The following RCAN2 variants were observed in gnomAD, a reference collection of about 807,000 sequenced individuals.
RCAN2 encodes calcipressin-2.
In RCAN2, 9 loss-of-function variants were observed where a neutral mutation model predicts 23.6. The observed-to-expected ratio is 0.38, with a 90% CI of 0.23 to 0.67. The LOEUF (loss-of-function observed/expected upper bound fraction) is 0.67, where lower values mean the gene tolerates loss of function less well. RCAN2 is among the 30% of genes least tolerant of loss of function. The pLI is 0.51. For missense variants in RCAN2, 273 were observed against 302.3 expected (o/e 0.90, Z 0.72); for synonymous variants, 109 against 115.7 (o/e 0.94, Z 0.37).
At chr6:46,479,583 C>CTTTT (rs57590590) in intron 1 of RCAN2, among the ~76,000 whole-genome samples, 13 of 89,244 alleles carry the variant, frequency 1.5e-4, no homozygotes, top group East Asian at 3.4e-4. Flanking sequence ...TCTGTCTCAC[C>CTTTT]TTTTTTTTTT....
chr6:46,298,487 G>A (rs921846932), intron 2 of RCAN2, among the ~76,000 whole-genome samples: 3 of 152,050 alleles, frequency 2.0e-5, no homozygotes, highest in Non-Finnish European at 4.4e-5. Flanking sequence ...TTCTTACAAT[G>A]CGATGTTACC....
At chr6:46,299,596 C>G (rs527488847) in intron 2 of RCAN2, among the ~76,000 whole-genome samples, 57 of 152,046 alleles carry the variant, frequency 3.7e-4, no homozygotes, top group African/African-American at 1.2e-3. Flanking sequence ...CTCTGGCCCC[C>G]CTTTTATAGA....
At chr6:46,378,694 G>C (rs1447257421) in intron 2 of RCAN2, among the ~76,000 whole-genome samples, 1 of 152,192 alleles carries the variant, frequency 6.6e-6, no homozygotes, top group African/African-American at 2.4e-5. Context: ...TGCTCCTAGG[G>C]TTATGGAGTA....
chr6:46,457,757 C>G (rs923393714), intron 1 of RCAN2, among the ~76,000 whole-genome samples: 6 of 152,166 alleles, frequency 3.9e-5, no homozygotes, highest in Non-Finnish European at 4.4e-5. Context: ...AAAATCAGTG[C>G]TATCTTGATC....
chr6:46,403,686 C>G (rs1766322290), intron 2 of RCAN2, among the ~76,000 whole-genome samples: 1 of 152,028 alleles, frequency 6.6e-6, no homozygotes, highest in African/African-American at 2.4e-5. Flanking sequence ...AATCTACCAA[C>G]AAAGGACAGA....
At chr6:46,404,949 C>T (rs1037871160) in intron 2 of RCAN2, among the ~76,000 whole-genome samples, 5 of 152,152 alleles carry the variant, frequency 3.3e-5, no homozygotes, top group African/African-American at 1.2e-4. Context: ...CAGGTGAATG[C>T]AAACCATTTT....
At chr6:46,247,190 C>T (rs1057242171) in intron 3 of RCAN2, among the ~76,000 whole-genome samples, 1 of 152,144 alleles carries the variant, frequency 6.6e-6, no homozygotes, top group African/African-American at 2.4e-5. Context: ...ATTTCTGATT[C>T]AGGAGGCCTG....
At chr6:46,332,279 C>A (rs1423275911) in intron 2 of RCAN2, among the ~76,000 whole-genome samples, 1 of 151,952 alleles carries the variant, frequency 6.6e-6, no homozygotes, top group African/African-American at 2.4e-5. Context: ...TATTGTTTAG[C>A]CTCTCTCATT....
At chr6:46,363,145 C>G (rs1765065133) in intron 2 of RCAN2, among the ~76,000 whole-genome samples, 1 of 152,142 alleles carries the variant, frequency 6.6e-6, no homozygotes, top group South Asian at 2.1e-4. Context: ...AACTGCTGTG[C>G]AAGCCATCAC....
intron 4 of RCAN2, among the ~76,000 whole-genome samples, chr6:46,244,114 A>G (rs1182132739): frequency 1.3e-5 from 2 of 152,210 alleles, no homozygotes; most frequent in African/African-American, 4.8e-5. Flanking sequence ...TGTTTATTAC[A>G]AAGCAGGGCC....
intron 2 of RCAN2, among the ~76,000 whole-genome samples, chr6:46,345,658 C>CT (rs930379294): frequency 6.6e-6 from 1 of 152,010 alleles, no homozygotes; most frequent in Non-Finnish European, 1.5e-5. Flanking sequence ...CATTATTTGC[C>CT]TTTTTTACTC....
chr6:46,289,708 G>A (rs989059405), intron 2 of RCAN2, among the ~76,000 whole-genome samples: 6 of 152,086 alleles, frequency 3.9e-5, no homozygotes, highest in Admixed American at 3.3e-4. Flanking sequence ...TCTATATTAA[G>A]GTAACTAACT....
chr6:46,234,384 TC>T (rs1460478608), intron 4 of RCAN2, among the ~76,000 whole-genome samples: 3 of 152,234 alleles, frequency 2.0e-5, no homozygotes, highest in African/African-American at 7.2e-5. Context: ...CCTTTGGGCT[TC>T]AACTATTTCC....
intron 2 of RCAN2, among the ~76,000 whole-genome samples, 156 bp downstream of exon 2, chr6:46,456,596 T>C (rs1768038436): frequency 6.6e-6 from 1 of 152,148 alleles, no homozygotes. Flanking sequence ...TAGTTGATAA[T>C]AGAATGGGAT....
chr6:46,276,861 A>G (rs943878717), intron 2 of RCAN2, among the ~76,000 whole-genome samples: 3 of 152,170 alleles, frequency 2.0e-5, no homozygotes, highest in African/African-American at 7.2e-5. Flanking sequence ...AGCAGCAAAC[A>G]TGTATGTCAT....
chr6:46,271,193 G>T (rs935108), intron 2 of RCAN2, among the ~76,000 whole-genome samples: 3 of 152,198 alleles, frequency 2.0e-5, no homozygotes, highest in African/African-American at 7.2e-5. Context: ...GAGAGAAAGA[G>T]ATTTATTCTA....
intron 2 of RCAN2, among the ~76,000 whole-genome samples, chr6:46,281,867 C>T (rs1156901737): frequency 7.2e-5 from 11 of 151,912 alleles, no homozygotes; most frequent in Non-Finnish European, 1.5e-4. Context: ...TTATAAGTGG[C>T]TAGGTAATTA....
intron 4 of RCAN2, among the ~76,000 whole-genome samples, chr6:46,237,327 A>G (rs999835250): frequency 2.6e-5 from 4 of 152,262 alleles, no homozygotes; most frequent in African/African-American, 9.6e-5. Flanking sequence ...TGAAAAGAAG[A>G]GACTATAAAT....
chr6:46,223,199 G>T lies in RCAN2; in HGVS notation c.674C>A (p.Pro225Gln), dbSNP rs763869511. Residue 225 changes from proline (P) to glutamine (Q), a missense_variant, in exon 5 of 5, where the codon CCA (proline) becomes CAA (glutamine). By Grantham distance (76) the Pro-to-Gln change is moderately conservative. Coordinates refer to ENST00000371374, the MANE Select transcript of RCAN2 (RefSeq NM_001251974.2). ...IEEEEDPKTS[P>Q]KPKIIQTRRP... The stretch of plus-strand genomic sequence containing the variant: ...CCGAGTTTGGATGATTTTTGGCTTT[G>T]GGGAAGTCTTTGGGTCCTCTTCTTC... 5 of 1,613,958 alleles carry T rather than the reference G, an allele frequency of 3.1e-6. No homozygotes were observed. In the South Asian group the frequency reaches 5.5e-5, roughly 18 times the overall value.
Sources: gnomAD v4.1 joint callset for allele counts (sites outside exome capture counted in the v4.1 genomes callset) on GRCh38, gnomAD v4.1.1 for gene constraint, MANE v1.5 for transcripts, NCBI Gene and HGNC (gene_info 2026-07-23, HGNC 2026-07-21) for gene names.